Variants in PHACTR2 observed in about 807,000 individuals in gnomAD.
The protein encoded by PHACTR2 is phosphatase and actin regulator 2.
Under a neutral mutation model 76.0 loss-of-function variants are expected in PHACTR2, and 30 were observed. The observed-to-expected ratio is 0.39, with a 90% CI of 0.30 to 0.54. The LOEUF (loss-of-function observed/expected upper bound fraction) is 0.54. Ranked by LOEUF, PHACTR2 falls within the 20% of genes least tolerant of loss-of-function variation. The probability of loss-of-function intolerance (pLI) is 0.61; values close to 1 mark genes in which losing one functional copy is unlikely to be tolerated. For missense variants in PHACTR2, 696 were observed against 781.1 expected, an observed-to-expected ratio of 0.89 and a Z score of 1.30; for synonymous variants, 292 against 292.5, an observed-to-expected ratio of 1.00 and a Z score of 0.02.
chr6:143,752,253 T>C (rs1237149179), intron 3 of PHACTR2, among the ~76,000 whole-genome samples: 1 of 152,088 alleles, frequency 6.6e-6, no homozygotes, highest in Non-Finnish European at 1.5e-5. Flanking sequence ...CAAAGATAAA[T>C]TTATATTTGA....
chr6:143,718,548 C>T (rs2128462599), intron 2 of PHACTR2, among the ~76,000 whole-genome samples: 2 of 152,334 alleles, frequency 1.3e-5, no homozygotes, highest in East Asian at 3.9e-4. Context: ...GGTTTTGCCT[C>T]ACACATTAGT....
rs944167481 is a variant in PHACTR2 at position 143,821,958 on chromosome 6, C to G, written c.1923-1716C>G. Among the ~76,000 whole-genome samples, 5 of 152,148 alleles carry G rather than the reference C, an allele frequency of 3.3e-5. No individual in the cohort carries two copies. The highest frequency in any genetic ancestry group is 5.9e-5 in the Non-Finnish European group (4 of 68,020). On this transcript the variant is annotated intron_variant, in intron 12 of 12. Transcript: ENST00000440869. The surrounding 1 kb of genome is among the most constrained non-coding windows in gnomAD (Gnocchi z 5.2). ...TGAGCTGAGATCGCACCACTGCACT[C>G]CAGCCTGGGCAATAGGAGTGAAACC...
chr6:143,745,562 GAA>G (rs908310292), intron 2 of PHACTR2, among the ~76,000 whole-genome samples: 26 of 152,186 alleles, frequency 1.7e-4, no homozygotes, highest in Admixed American at 5.2e-4. Flanking sequence ...CTGAGCCCAT[GAA>G]AAAGTGTCCA....
intron 1 of PHACTR2, among the ~76,000 whole-genome samples, chr6:143,559,422 G>A (rs1288910658): frequency 6.6e-6 from 1 of 152,188 alleles, no homozygotes; most frequent in Non-Finnish European, 1.5e-5. Context: ...GAGGATTCAT[G>A]AGTTATTTAT....
intron 1 of PHACTR2, among the ~76,000 whole-genome samples, chr6:143,660,539 A>G (rs975840900): frequency 2.0e-5 from 3 of 152,214 alleles, no homozygotes; most frequent in Non-Finnish European, 4.4e-5. Context: ...CAGCCAAACC[A>G]TATCAGACAT....
At chr6:143,711,056 G>A (rs756684530) in intron 1 of PHACTR2, 7 of 515,544 alleles carry the variant, frequency 1.4e-5, no homozygotes, top group Non-Finnish European at 2.3e-5. Flanking sequence ...TTACAAAAGT[G>A]AAATGCAAAA....
intron 1 of PHACTR2, among the ~76,000 whole-genome samples, chr6:143,644,137 T>C (rs573472812): frequency 3.3e-5 from 5 of 152,174 alleles, no homozygotes; most frequent in African/African-American, 7.2e-5. Context: ...CAAGCTATTA[T>C]ATAATCACAC....
rs1776557609 is a variant in PHACTR2 at position 143,641,286 on chromosome 6, A to G, written c.13+32964A>G. Among the ~76,000 whole-genome samples, 1 of 152,196 alleles carries G rather than the reference A, an allele frequency of 6.6e-6. No homozygotes were observed. Among genetic ancestry groups the G allele is most frequent in the South Asian group, 2.1e-4 (1 of 4,828 alleles). ...TTCAACATGAAGTTTTTAGAGGACA[A>G]ACATTCAAACCATAGCAGCATGTGA... On this transcript the variant is annotated intron_variant, in intron 1 of 11. Coordinates refer to the PHACTR2 transcript ENST00000305766. The surrounding 1 kb of genome is among the most constrained non-coding windows in gnomAD (Gnocchi z 5.8).
chr6:143,618,256 AAC>A lies in PHACTR2; in HGVS notation c.13+9963_13+9964del, dbSNP rs66800720. On this transcript the variant is annotated intron_variant, in intron 1 of 11. Transcript: ENST00000305766. This position sits in a 1 kb window ranked among gnomAD's most constrained non-coding sequence, Gnocchi z 5.2. ...GTTCCACCTTGTACTTCCTGCTCCA[AAC>A]ACACACACACACACACACACACACA... 0.024 allele frequency among the ~76,000 whole-genome samples: 3,475 copies of A among 145,132 alleles called. 93 individuals carry two copies. Among genetic ancestry groups the A allele is most frequent in the African/African-American group, 0.077 (2,978 of 38,868 alleles).
rs1293997973 is a variant in PHACTR2 at position 143,682,487 on chromosome 6, A to T, written c.46+4278A>T. On this transcript the variant is annotated intron_variant, in intron 1 of 12. Coordinates refer to ENST00000440869, the MANE Select transcript of PHACTR2 (RefSeq NM_001100164.2). ...ACCTGGGCCTTCCAATATTGCAGGG[A>T]TTATAGGCATGAGCCACCATGCCTG... 2.0e-5 allele frequency among the ~76,000 whole-genome samples: 3 copies of T among 152,094 alleles called. 1 individual carries two copies. The highest frequency in any genetic ancestry group is 7.2e-5 in the African/African-American group (3 of 41,488).
chr6:143,575,782 T>C (rs754292881), intron 1 of PHACTR2, among the ~76,000 whole-genome samples: 5 of 152,272 alleles, frequency 3.3e-5, no homozygotes, highest in Non-Finnish European at 7.3e-5. Flanking sequence ...TGAACCGTTT[T>C]GTTAAGTAAA....
chr6:143,703,156 TAAAAAAAAAAA>T (rs57738495), intron 1 of PHACTR2, among the ~76,000 whole-genome samples: 1 of 91,152 alleles, frequency 1.1e-5, no homozygotes, highest in Non-Finnish European at 2.1e-5. Context: ...AAAAAATTAC[TAAAAAAAAAAA>T]AAAAAAAAAA....
At chr6:143,555,204 G>C (rs571377031) in intron 1 of PHACTR2, 5 of 151,932 alleles carry the variant, frequency 3.3e-5, no homozygotes, top group East Asian at 3.9e-4. Flanking sequence ...GCACATTTAC[G>C]TCGAGCCTGC....
chr6:143,717,192 C>T (rs1259904099), intron 2 of PHACTR2, among the ~76,000 whole-genome samples: 6 of 152,126 alleles, frequency 3.9e-5, no homozygotes, highest in Non-Finnish European at 7.4e-5. Context: ...TTCTTGCTCT[C>T]TCCTGTTCCT....
At chr6:143,628,242 T>C (rs1389228199) in intron 1 of PHACTR2, among the ~76,000 whole-genome samples, 1 of 152,246 alleles carries the variant, frequency 6.6e-6, no homozygotes, top group Non-Finnish European at 1.5e-5. Flanking sequence ...TGAATAGTGC[T>C]GCTATGAATG....
Position 143,698,737 on chromosome 6 carries a change from C to G in PHACTR2, c.47-13279C>G, listed in dbSNP as rs6932482. 0.24 allele frequency among the ~76,000 whole-genome samples: 36,773 copies of G among 152,154 alleles called. 4,465 individuals are homozygous for G. The highest frequency in any genetic ancestry group is 0.3 in the Middle Eastern group (88 of 294). On this transcript the variant is annotated intron_variant, in intron 1 of 12. Coordinates refer to ENST00000440869, the MANE Select transcript of PHACTR2 (RefSeq NM_001100164.2). This position sits in a 1 kb window ranked among gnomAD's most constrained non-coding sequence, Gnocchi z 4.3. ...GTCAGCCTCTCTCATGGCCTGCAAGCCTCCTAAGGGCAGAGATCTGATCTG... is the reference window on the plus strand; with the variant it reads ...GTCAGCCTCTCTCATGGCCTGCAAGGCTCCTAAGGGCAGAGATCTGATCTG...
intron 1 of PHACTR2, among the ~76,000 whole-genome samples, chr6:143,640,347 GAC>G (rs1660507245): frequency 6.6e-6 from 1 of 152,192 alleles, no homozygotes; most frequent in Non-Finnish European, 1.5e-5. Context: ...TCCAGAAGAA[GAC>G]ACAAAAGATG....
rs1368458915 is a variant in PHACTR2, at chr6:143,664,222, A to G, written c.14-47794A>G. 1.3e-5 allele frequency among the ~76,000 whole-genome samples: 2 copies of G among 151,844 alleles called. No homozygotes were observed. Among genetic ancestry groups the G allele is most frequent in the Non-Finnish European group, 2.9e-5 (2 of 67,922 alleles). ...TCTATTATTAATATTGAGATTATAA[A>G]TTTTCTTTTGGTAAGAATTTTCTTA... On this transcript the variant is annotated intron_variant, in intron 1 of 11. Transcript: ENST00000305766. This position sits in a 1 kb window ranked among gnomAD's most constrained non-coding sequence, Gnocchi z 5.1.
upstream of PHACTR2, among the ~76,000 whole-genome samples, chr6:143,675,768 C>T (rs1293459253): frequency 2.0e-5 from 3 of 152,118 alleles, no homozygotes; most frequent in African/African-American, 7.2e-5. The surrounding 1 kb of genome is among the most constrained non-coding windows in gnomAD (Gnocchi z 4.9). Context: ...TTTCAGATGA[C>T]ATTAAATGTT....
Sources: gnomAD v4.1 joint callset for allele counts (sites outside exome capture counted in the v4.1 genomes callset) on GRCh38, gnomAD v4.1.1 for gene constraint, Gnocchi (gnomAD v3.1) non-coding constraint, MANE v1.5 for transcripts, NCBI Gene and HGNC (gene_info 2026-07-23, HGNC 2026-07-21) for gene names.